ARMC8: variants seen among roughly 807,000 people sequenced by gnomAD.
ARMC8 encodes armadillo repeat containing 8.
Under a neutral mutation model 99.3 loss-of-function variants are expected in ARMC8, and 20 were observed. That is an observed-to-expected ratio of 0.20 (90% CI 0.14 to 0.29). The LOEUF (loss-of-function observed/expected upper bound fraction) is 0.29, where lower values mean the gene tolerates loss of function less well. Among genes scored for constraint, ARMC8 ranks in the 10% least tolerant of loss-of-function variants. The pLI is 1.00. For missense variants in ARMC8, 569 were observed against 809.5 expected (o/e 0.70, Z 3.60); for synonymous variants, 263 against 278.3 (o/e 0.95, Z 0.55).
At chr3:138,212,746 A>G (rs181375706) in intron 2 of ARMC8, among the ~76,000 whole-genome samples, 1 of 152,340 alleles carries the variant, frequency 6.6e-6, no homozygotes, top group Admixed American at 6.5e-5. Flanking sequence ...TTAAGAGACC[A>G]TTACTAGACC....
At chr3:138,269,977 G>T in intron 15 of ARMC8, 63 bp from the exon 16 acceptor site, 1 of 1,107,192 alleles carries the variant, frequency 9.0e-7, no homozygotes, top group Non-Finnish European at 1.4e-6. Context: ...CAAGGTATAT[G>T]CATGTTTAGT....
chr3:138,238,757 G>A (rs528580912), intron 9 of ARMC8: 3 of 152,046 alleles, frequency 2.0e-5, no homozygotes, highest in South Asian at 2.1e-4. Context: ...TATAACTTTC[G>A]GTAGAAGCCA....
rs138112492 is a variant in ARMC8 at position 138,206,452 on chromosome 3, G to T, written c.46-3365G>T. On this transcript the variant is annotated intron_variant, in intron 1 of 21. Coordinates refer to ENST00000469044, the MANE Select transcript of ARMC8 (RefSeq NM_001363941.2). The stretch of plus-strand genomic sequence containing the variant: ...TGCTCATTCTGCTCCAGCTATAATG[G>T]CCTCCTATTCTTTGATTATGGCAGA... 5.8e-3 allele frequency among the ~76,000 whole-genome samples: 887 copies of T among 152,110 alleles called. 6 individuals carry two copies. Among genetic ancestry groups the T allele is most frequent in the African/African-American group, 0.02 (850 of 41,480 alleles).
At chr3:138,224,332 C>G (rs760386766) in intron 5 of ARMC8, among the ~76,000 whole-genome samples, 10 of 152,118 alleles carry the variant, frequency 6.6e-5, no homozygotes, top group Non-Finnish European at 1.5e-4. Context: ...ATAGTCCTAG[C>G]TCATGAGACT....
chr3:138,226,738 T>A (rs1315788637), intron 5 of ARMC8, among the ~76,000 whole-genome samples: 1 of 152,176 alleles, frequency 6.6e-6, no homozygotes, highest in Non-Finnish European at 1.5e-5. Flanking sequence ...GCCAACTATT[T>A]AAACTCCTTC....
intron 12 of ARMC8, among the ~76,000 whole-genome samples, chr3:138,252,015 TATGTATGGA>T (rs1295263451): frequency 4.6e-5 from 7 of 152,206 alleles, no homozygotes; most frequent in Non-Finnish European, 7.3e-5. Flanking sequence ...AATAATTAAA[TATGTATGGA>T]ATAGTAGAAC....
At chr3:138,270,305 G>T (rs1215615131) in intron 16 of ARMC8, among the ~76,000 whole-genome samples, 173 bp downstream of exon 16, 1 of 152,198 alleles carries the variant, frequency 6.6e-6, no homozygotes, top group Non-Finnish European at 1.5e-5. Context: ...TAAACTAACA[G>T]ATTTAACTGT....
intron 18 of ARMC8, among the ~76,000 whole-genome samples, chr3:138,276,588 G>A (rs973429398): frequency 6.6e-6 from 1 of 152,186 alleles, no homozygotes; most frequent in Non-Finnish European, 1.5e-5. Flanking sequence ...GTTAAGCAAG[G>A]TCACAAGATA....
At chr3:138,236,597 C>T (rs548898443) in intron 7 of ARMC8, among the ~76,000 whole-genome samples, 11 of 152,094 alleles carry the variant, frequency 7.2e-5, no homozygotes, top group Non-Finnish European at 1.5e-4. Context: ...AGAGCATTGC[C>T]CAAGTGAGGG....
chr3:138,260,094 C>T (rs147543063), intron 12 of ARMC8, among the ~76,000 whole-genome samples: 65 of 152,326 alleles, frequency 4.3e-4, no homozygotes, highest in African/African-American at 1.5e-3. Context: ...AGTTTCAAAA[C>T]CATGCCTGTC....
intron 2 of ARMC8, among the ~76,000 whole-genome samples, chr3:138,220,070 A>G (rs1331744977): frequency 6.6e-6 from 1 of 152,206 alleles, no homozygotes; most frequent in Non-Finnish European, 1.5e-5. Context: ...GGCTGGATAA[A>G]TGAATGTTCT....
intron 2 of ARMC8, among the ~76,000 whole-genome samples, chr3:138,213,201 TCTA>T (rs2044806903): frequency 6.6e-6 from 1 of 152,258 alleles, no homozygotes; most frequent in Admixed American, 6.5e-5. Context: ...CTACAACTAA[TCTA>T]CTAGCTGAGT....
At position 138,187,444 on chromosome 3, in the gene ARMC8, C is replaced by T. The variant is rs1293375659; in HGVS notation, c.-111C>T. The stretch of plus-strand genomic sequence containing the variant: ...CGGTGTCCAGAGCGTGGCCAGTTCT[C>T]GTCTATCTGGCTGCCTTTAGGGAGC... On this transcript the variant is annotated 5_prime_UTR_variant, in exon 1 of 22. Coordinates refer to ENST00000469044, the MANE Select transcript of ARMC8 (RefSeq NM_001363941.2). The T allele has an allele frequency of 1.7e-6, 2 of 1,144,960 alleles. No individual in the cohort carries two copies. The highest frequency in any genetic ancestry group is 2.5e-6 in the Non-Finnish European group (2 of 799,786). The allele number at this position is 1,144,960 out of a possible 1,614,324, so 70.9% of individuals were successfully genotyped here.
chr3:138,289,957 A>G (rs2050782725), intron 20 of ARMC8, among the ~76,000 whole-genome samples: 1 of 152,130 alleles, frequency 6.6e-6, no homozygotes, highest in Non-Finnish European at 1.5e-5. Flanking sequence ...AAGAAGGGAA[A>G]CTGGATTCCG....
At chr3:138,267,090 A>G (rs549359051) in intron 14 of ARMC8, 65 bp from the exon 15 acceptor site, 28 of 789,586 alleles carry the variant, frequency 3.5e-5, no homozygotes, top group African/African-American at 7.1e-5. Flanking sequence ...TATATTTTAT[A>G]TCTCATTTTA....
rs368076896 is a variant in ARMC8, at chr3:138,223,662, A to G, written c.364A>G (p.Ile122Val). ...ACTACTGTCCCCAGACCTGAAGTTT[A>G]TTGAAGCTTGCCTCCGATGCCTGCG... ...QGLLSPDLKF[I>V]EACLRCLRTI... The change falls in exon 5 of 22, where the codon ATT becomes GTT. Residue 122 changes from isoleucine to valine, a missense_variant. Ile to Val is a conservative substitution (Grantham distance 29). This residue lies in a region of ARMC8 where 342 missense variants were observed against 391.6 expected (regional missense o/e 0.87). Coordinates refer to ENST00000469044, the MANE Select transcript of ARMC8 (RefSeq NM_001363941.2). The G allele has an allele frequency of 1.2e-5, 19 of 1,614,110 alleles. No homozygotes were observed. The African/African-American group carries it at 2.5e-4, about 22-fold the overall frequency.
intron 1 of ARMC8, among the ~76,000 whole-genome samples, chr3:138,195,964 G>A (rs2043709684): frequency 6.6e-6 from 1 of 152,102 alleles, no homozygotes; most frequent in South Asian, 2.1e-4. Context: ...AAGGAGGAAT[G>A]ATGAAACAGT....
chr3:138,266,825 G>A lies in ARMC8; in HGVS notation c.1300-330G>A, dbSNP rs1486144375. 2.0e-5 allele frequency among the ~76,000 whole-genome samples: 3 copies of A among 152,160 alleles called. No homozygotes were observed. In the East Asian group the frequency reaches 5.8e-4, roughly 29 times the overall value. On this transcript the variant is annotated intron_variant, in intron 14 of 21. Transcript: ENST00000469044. ...CATAAGGGGCTTGACTGATGGAGTAGAATGAGCTCACTTACCCCAGAGCAG... is the reference window on the plus strand; with the variant it reads ...CATAAGGGGCTTGACTGATGGAGTAAAATGAGCTCACTTACCCCAGAGCAG...
At chr3:138,282,900 C>A (rs1217108863) in intron 18 of ARMC8, among the ~76,000 whole-genome samples, 1 of 152,162 alleles carries the variant, frequency 6.6e-6, no homozygotes, top group Non-Finnish European at 1.5e-5. Flanking sequence ...TTATTGATTT[C>A]CTTAGAGTAT....
Sources: allele counts gnomAD v4.1 joint callset (sites outside exome capture counted in the v4.1 genomes callset), GRCh38; gene constraint gnomAD v4.1.1; regional missense constraint gnomAD v4.1.1; transcripts MANE v1.5; gene names NCBI Gene and HGNC (gene_info 2026-07-23, HGNC 2026-07-21).